NBAS: variants seen among roughly 807,000 people sequenced by gnomAD.
NBAS encodes the protein NAG/BC035112 fusion.
Under a neutral mutation model 302.5 loss-of-function variants are expected in NBAS, and 219 were observed. The ratio of observed to expected loss-of-function variants is 0.72; its 90% CI spans 0.65 to 0.81. The LOEUF is 0.81. NBAS is among the 30% of genes least tolerant of loss of function. The probability of loss-of-function intolerance (pLI) is 0.00; values close to 1 mark genes in which losing one functional copy is unlikely to be tolerated. For synonymous variants in NBAS, 1,118 were observed against 1,021.6 expected (o/e 1.09, Z -1.80); for missense variants, 2,932 against 2,841.6 (o/e 1.03, Z -0.72).
chr2:14,882,079 A>T, the NBAS span, among the ~76,000 whole-genome samples: 5 of 152,184 alleles, frequency 3.3e-5, no homozygotes, highest in African/African-American at 7.2e-5. Context: ...TACTCTCTCC[A>T]TTACCCTAGC....
At chr2:15,221,213 G>T (rs1666935532) in intron 47 of NBAS, among the ~76,000 whole-genome samples, 1 of 152,162 alleles carries the variant, frequency 6.6e-6, no homozygotes, top group South Asian at 2.1e-4. Flanking sequence ...AAATCTGATG[G>T]ACCTAACTGA....
rs146103556 is a variant in NBAS at position 15,505,693 on chromosome 2, A to G, written c.886-1480T>C. Among the ~76,000 whole-genome samples the G allele has an allele frequency of 2.6e-5, 4 of 152,354 alleles. No homozygotes were observed. In the East Asian group the frequency reaches 7.7e-4, roughly 29 times the overall value. ...AAAAATGAACAAGAAAGAGATTCAC[A>G]ATAGTTTGCAGACATGAGAAGACAA... On this transcript the variant is annotated intron_variant, in intron 10 of 51. Coordinates refer to ENST00000281513, the MANE Select transcript of NBAS (RefSeq NM_015909.4).
the NBAS span, among the ~76,000 whole-genome samples, chr2:15,125,655 T>A: frequency 6.6e-6 from 1 of 152,232 alleles, no homozygotes; most frequent in Non-Finnish European, 1.5e-5. Flanking sequence ...CTTTAAGATT[T>A]AATGACTACC....
At chr2:15,127,637 G>A in the NBAS span, among the ~76,000 whole-genome samples, 1 of 152,188 alleles carries the variant, frequency 6.6e-6, no homozygotes, top group African/African-American at 2.4e-5. Context: ...CATCTCTACT[G>A]TCTCACCCAG....
chr2:15,540,664 C>T (rs1428606084), intron 6 of NBAS, among the ~76,000 whole-genome samples: 2 of 152,044 alleles, frequency 1.3e-5, no homozygotes, highest in Non-Finnish European at 2.9e-5. Context: ...TACCTAATAA[C>T]CCACTCATAC....
the NBAS span, among the ~76,000 whole-genome samples, chr2:14,944,213 T>G: frequency 6.6e-6 from 1 of 152,112 alleles, no homozygotes; most frequent in African/African-American, 2.4e-5. Flanking sequence ...GGCAGGAGAA[T>G]GGCGTGAACC....
the NBAS span, among the ~76,000 whole-genome samples, chr2:15,048,037 A>T: frequency 0.82 from 125,285 of 152,200 alleles, 51,906 homozygotes; most frequent in East Asian, 0.99. Flanking sequence ...CTAGTGGAGA[A>T]CTCCTGCTGG....
chr2:14,882,431 C>T, the NBAS span, among the ~76,000 whole-genome samples: 18 of 152,100 alleles, frequency 1.2e-4, no homozygotes, highest in Non-Finnish European at 1.9e-4. Flanking sequence ...AGATAGGATT[C>T]TTCCCCAAGA....
chr2:15,272,977 C>T (rs1292358395), intron 44 of NBAS, among the ~76,000 whole-genome samples: 2 of 152,192 alleles, frequency 1.3e-5, no homozygotes, highest in Non-Finnish European at 2.9e-5. Context: ...ATGGACTTTA[C>T]ATCCTACTCT....
At chr2:15,082,914 C>T in the NBAS span, among the ~76,000 whole-genome samples, 1 of 152,172 alleles carries the variant, frequency 6.6e-6, no homozygotes, top group Non-Finnish European at 1.5e-5. Flanking sequence ...GGGCTCAAAC[C>T]CAGCTTTGTG....
chr2:15,406,672 C>T (rs114488768), intron 25 of NBAS, among the ~76,000 whole-genome samples: 9 of 151,934 alleles, frequency 5.9e-5, no homozygotes, highest in East Asian at 1.9e-4. Context: ...GTTAGTTACA[C>T]GAATATGTAA....
intron 10 of NBAS, among the ~76,000 whole-genome samples, chr2:15,507,848 A>C (rs997321062): frequency 5.9e-5 from 9 of 152,022 alleles, no homozygotes; most frequent in African/African-American, 2.2e-4. Context: ...GATGACACTA[A>C]CATTAATTTG....
intron 34 of NBAS, among the ~76,000 whole-genome samples, chr2:15,352,877 T>C (rs918506048): frequency 1.3e-5 from 2 of 152,106 alleles, no homozygotes; most frequent in African/African-American, 4.8e-5. Context: ...CTTTCCCTGG[T>C]GCTGGCTGCA....
At chr2:15,505,727 A>G (rs972982903) in intron 10 of NBAS, among the ~76,000 whole-genome samples, 1 of 152,238 alleles carries the variant, frequency 6.6e-6, no homozygotes, top group Non-Finnish European at 1.5e-5. Context: ...AAAAGTCAAC[A>G]CGTGTCAACA....
chr2:15,077,814 G>A, the NBAS span, among the ~76,000 whole-genome samples: 9 of 151,862 alleles, frequency 5.9e-5, no homozygotes, highest in African/African-American at 1.7e-4. Context: ...CTCCTGAGTA[G>A]CTGGGGTTAT....
chr2:15,329,204 C>T (rs1257559652), intron 36 of NBAS, among the ~76,000 whole-genome samples: 1 of 152,206 alleles, frequency 6.6e-6, no homozygotes, highest in Non-Finnish European at 1.5e-5. Context: ...TTATGCCAAG[C>T]ATAGTCTAGG....
chr2:15,436,990 C>T (rs1678049351), intron 21 of NBAS, among the ~76,000 whole-genome samples: 1 of 152,108 alleles, frequency 6.6e-6, no homozygotes, highest in Non-Finnish European at 1.5e-5. Context: ...ATCCCCAAAT[C>T]ATAAGGGTAT....
chr2:15,435,406 G>A (rs1677962450), intron 21 of NBAS, among the ~76,000 whole-genome samples: 1 of 152,150 alleles, frequency 6.6e-6, no homozygotes, highest in South Asian at 2.1e-4. Context: ...CCCAGCCTAT[G>A]TATAATACTT....
chr2:15,445,426 A>G (rs1358236013), intron 21 of NBAS, among the ~76,000 whole-genome samples: 13 of 147,142 alleles, frequency 8.8e-5, no homozygotes, highest in South Asian at 2.2e-4. Context: ...AACACCGCAT[A>G]TTCTCACTCA....
Sources: allele counts gnomAD v4.1 joint callset (sites outside exome capture counted in the v4.1 genomes callset), GRCh38; gene constraint gnomAD v4.1.1; transcripts MANE v1.5; gene names NCBI Gene and HGNC (gene_info 2026-07-23, HGNC 2026-07-21).